SMARCAL1: variants seen among roughly 807,000 people sequenced by gnomAD.
SMARCAL1 encodes the protein ATP-driven annealing helicase.
In SMARCAL1, 58 loss-of-function variants were observed where a neutral mutation model predicts 94.5. The ratio of observed to expected loss-of-function variants is 0.61; its 90% CI spans 0.50 to 0.76. The LOEUF is 0.76. SMARCAL1 is among the 30% of genes least tolerant of loss of function. The pLI, the probability that SMARCAL1 is intolerant of heterozygous loss-of-function variation, is 0.00. For synonymous variants in SMARCAL1, 422 were observed against 455.1 expected (o/e 0.93, Z 0.93); for missense variants, 1,051 against 1,177.9 (o/e 0.89, Z 1.58).
chr2:216,432,682 C>G, intron 7 of SMARCAL1, 36 bp from the exon 8 acceptor site: 1 of 1,613,714 alleles, frequency 6.2e-7, no homozygotes, highest in South Asian at 1.1e-5. Context: ...ACTCATGCCC[C>G]GGGAAATGTG....
chr2:216,421,924 T>C (rs746740504), intron 5 of SMARCAL1, among the ~76,000 whole-genome samples: 1 of 152,124 alleles, frequency 6.6e-6, no homozygotes, highest in African/African-American at 2.4e-5. Flanking sequence ...TACGTCATCA[T>C]CCTTAGATGG....
At chr2:216,415,870 T>C (rs1404861903) in intron 3 of SMARCAL1, 1 of 380,042 alleles carries the variant, frequency 2.6e-6, no homozygotes, top group African/African-American at 2.1e-5. Context: ...CCAGCAAGAT[T>C]AAGTGACAGG....
At chr2:216,450,446 C>T (rs925571715) in intron 11 of SMARCAL1, among the ~76,000 whole-genome samples, 1 of 152,194 alleles carries the variant, frequency 6.6e-6, no homozygotes, top group Non-Finnish European at 1.5e-5. Context: ...TATTTTATTA[C>T]ATTGTGCAAC....
In SMARCAL1 at chr2:216,415,351, C is replaced by T. The variant is rs1693570817; in HGVS notation, c.647C>T (p.Pro216Leu). The change falls in exon 3 of 18, where the codon CCC (proline) becomes CTC (leucine). Residue 216 changes from proline to leucine, a missense_variant. This residue lies in a region of SMARCAL1 where 398 missense variants were observed against 395.2 expected (regional missense o/e 1.01). Coordinates refer to ENST00000357276, the MANE Select transcript of SMARCAL1 (RefSeq NM_014140.4). ...YIHSSSESVT[P>L]RTEGRLQQKS... Reference sequence around the variant, plus strand: ...CATTCTAGCTCAGAGAGTGTAACGCCCAGGACAGAAGGAAGACTCCAGCAG... The same window carrying T: ...CATTCTAGCTCAGAGAGTGTAACGCTCAGGACAGAAGGAAGACTCCAGCAG... The T allele has an allele frequency of 6.2e-7, 1 of 1,614,212 alleles. No homozygotes were observed. Among genetic ancestry groups the T allele is most frequent in the African/African-American group, 1.3e-5 (1 of 75,034 alleles).
intron 1 of SMARCAL1, among the ~76,000 whole-genome samples, chr2:216,413,575 A>G (rs1283519602): frequency 1.3e-5 from 2 of 152,216 alleles, no homozygotes; most frequent in Admixed American, 6.5e-5. Flanking sequence ...ATGGCTGGTA[A>G]GATTACAGAG....
chr2:216,450,694 T>A, intron 11 of SMARCAL1, 152 bp from the exon 12 acceptor site: 1 of 625,728 alleles, frequency 1.6e-6, no homozygotes, highest in South Asian at 1.9e-5. Flanking sequence ...ATTTGTTTTA[T>A]TGGGGGTTTA....
chr2:216,450,627 G>C (rs1437286827), intron 11 of SMARCAL1, among the ~76,000 whole-genome samples: 2 of 152,172 alleles, frequency 1.3e-5, no homozygotes, highest in Non-Finnish European at 2.9e-5. Context: ...TGCCATGATA[G>C]GTGTTTTTTA....
intron 10 of SMARCAL1, among the ~76,000 whole-genome samples, chr2:216,445,298 C>A (rs1357196507): frequency 1.4e-5 from 2 of 140,382 alleles, no homozygotes; most frequent in African/African-American, 5.6e-5. Context: ...CCATTACAGA[C>A]GAGATGCCAT....
chr2:216,460,101 GC>G (rs1455974573), intron 12 of SMARCAL1, among the ~76,000 whole-genome samples: 4 of 152,128 alleles, frequency 2.6e-5, no homozygotes, highest in African/African-American at 9.7e-5. Flanking sequence ...ATCATCACTG[GC>G]CATCAGAGAA....
chr2:216,466,624 G>A (rs1235302709), intron 13 of SMARCAL1, among the ~76,000 whole-genome samples: 1 of 152,136 alleles, frequency 6.6e-6, no homozygotes, highest in Non-Finnish European at 1.5e-5. Context: ...CTAGGAACTT[G>A]TAGAAGGTTA....
At chr2:216,457,919 C>A (rs1357513126) in intron 12 of SMARCAL1, among the ~76,000 whole-genome samples, 1 of 151,940 alleles carries the variant, frequency 6.6e-6, no homozygotes, top group Non-Finnish European at 1.5e-5. Flanking sequence ...AAAAGATCAA[C>A]AAAATTGATA....
At chr2:216,466,861 C>G (rs1263931980) in intron 13 of SMARCAL1, among the ~76,000 whole-genome samples, 1 of 152,170 alleles carries the variant, frequency 6.6e-6, no homozygotes, top group Non-Finnish European at 1.5e-5. Flanking sequence ...AAATCTGGTG[C>G]CCTGGTCAGT....
Position 216,452,305 on chromosome 2 carries a change from T to A in SMARCAL1, c.2070+1241T>A, listed in dbSNP as rs371721778. 3.9e-5 allele frequency among the ~76,000 whole-genome samples: 6 copies of A among 152,290 alleles called. No homozygotes were observed. The East Asian group carries it at 1.2e-3, about 29-fold the overall frequency. On this transcript the variant is annotated intron_variant, in intron 12 of 17. Transcript: ENST00000357276. ...TTTATTTTTAGAGATAAAAATGCAA[T>A]GAGTAGATTATTTTTTCTCAATTTG...
intron 17 of SMARCAL1, among the ~76,000 whole-genome samples, chr2:216,479,569 C>CAAAGA (rs1695155606): frequency 6.6e-6 from 1 of 151,724 alleles, no homozygotes; most frequent in Non-Finnish European, 1.5e-5. Context: ...TCTTTCTTTG[C>CAAAGA]AAGGATTTAT....
chr2:216,420,409 G>A lies in SMARCAL1; in HGVS notation c.973G>A (p.Ala325Thr). The A allele has an allele frequency of 6.2e-7, 1 of 1,614,194 alleles. No individual in the cohort carries two copies. The highest frequency in any genetic ancestry group is 8.5e-7 in the Non-Finnish European group (1 of 1,180,034). Residue 325 changes from alanine (A) to threonine (T), a missense_variant, in exon 5 of 18, where the codon GCT becomes ACT. By Grantham distance (58) the Ala-to-Thr change is moderately conservative. Coordinates refer to ENST00000357276, the MANE Select transcript of SMARCAL1 (RefSeq NM_014140.4). ...TGAGGGACAGGCCGGCCTTCCATCA[G>A]CTCCATCCCTTTCATTTGTCAAAGG... is the stretch of plus-strand genomic sequence containing the variant. ...SSEGQAGLPS[A>T]PSLSFVKGRC...
chr2:216,454,247 AGTATTAGG>A (rs1694509533), intron 12 of SMARCAL1, among the ~76,000 whole-genome samples: 5 of 152,216 alleles, frequency 3.3e-5, no homozygotes. Flanking sequence ...ATTAATAGAG[AGTATTAGG>A]TCTGCACAGT....
chr2:216,435,550 G>A (rs1340742024), intron 9 of SMARCAL1, 54 bp downstream of exon 9: 1 of 1,512,000 alleles, frequency 6.6e-7, no homozygotes, highest in South Asian at 1.1e-5. Flanking sequence ...AACTTTCTTT[G>A]TAAAAGCTCT....
At chr2:216,462,708 A>T (rs1364987059) in intron 12 of SMARCAL1, among the ~76,000 whole-genome samples, 1 of 152,128 alleles carries the variant, frequency 6.6e-6, no homozygotes, top group East Asian at 1.9e-4. Flanking sequence ...GAAGCTGGCC[A>T]GATGCAGTGG....
intron 10 of SMARCAL1, 91 bp from the exon 11 acceptor site, chr2:216,446,927 G>A: frequency 6.6e-7 from 1 of 1,508,532 alleles, no homozygotes; most frequent in Non-Finnish European, 9.2e-7. Flanking sequence ...TTTTTCTGGG[G>A]GCATCCAGCT....
Sources: gnomAD v4.1 joint callset for allele counts (sites outside exome capture counted in the v4.1 genomes callset) on GRCh38, gnomAD v4.1.1 for gene constraint, gnomAD v4.1.1 regional missense constraint, MANE v1.5 for transcripts, NCBI Gene and HGNC (gene_info 2026-07-23, HGNC 2026-07-21) for gene names.